Variants in RBMS1 observed in about 807,000 individuals in gnomAD.
RBMS1 encodes RNA binding motif single stranded interacting protein 1, also known as RNA-binding motif, single-stranded-interacting protein 1.
RBMS1 carries 17 observed loss-of-function variants against 62.3 expected under a neutral mutation model. The observed-to-expected ratio is 0.27, with a 90% CI of 0.19 to 0.41. The LOEUF (loss-of-function observed/expected upper bound fraction) is 0.41, where lower values mean the gene tolerates loss of function less well. RBMS1 is among the 10% of genes least tolerant of loss of function. RBMS1 has a pLI of 1.00. For missense variants in RBMS1, 334 were observed against 504.5 expected (o/e 0.66, Z 3.24); for synonymous variants, 172 against 170.0 (o/e 1.01, Z -0.09).
At chr2:160,299,672 G>GGT (rs1559342647) in intron 6 of RBMS1, among the ~76,000 whole-genome samples, 1 of 152,182 alleles carries the variant, frequency 6.6e-6, no homozygotes, top group Non-Finnish European at 1.5e-5. Flanking sequence ...ACTGGATGTG[G>GGT]GTGTAGGTCC....
At chr2:160,380,387 C>A (rs954657662) in intron 1 of RBMS1, among the ~76,000 whole-genome samples, 6 of 152,094 alleles carry the variant, frequency 3.9e-5, no homozygotes, top group Non-Finnish European at 8.8e-5. Flanking sequence ...GAGGACAGGG[C>A]AGACAGGAAC....
intron 2 of RBMS1, among the ~76,000 whole-genome samples, chr2:160,345,435 G>A (rs1034898885): frequency 6.9e-6 from 1 of 145,546 alleles, no homozygotes; most frequent in Non-Finnish European, 1.5e-5. Flanking sequence ...ATGAAAGTGA[G>A]GAGACCTGAA....
chr2:160,485,776 T>C (rs1489482901), intron 1 of RBMS1, among the ~76,000 whole-genome samples: 2 of 151,968 alleles, frequency 1.3e-5, no homozygotes, highest in African/African-American at 4.8e-5. Flanking sequence ...GAATGAAACC[T>C]AAAAAGAGGC....
chr2:160,439,664 A>G (rs1276394823), intron 1 of RBMS1, among the ~76,000 whole-genome samples: 3 of 152,172 alleles, frequency 2.0e-5, no homozygotes, highest in Non-Finnish European at 4.4e-5. Flanking sequence ...GCGGCCGGGC[A>G]GAGGCTGCAA....
chr2:160,483,352 C>A (rs915193292), intron 1 of RBMS1, among the ~76,000 whole-genome samples: 2 of 152,172 alleles, frequency 1.3e-5, no homozygotes, highest in African/African-American at 4.8e-5. Context: ...GTTTCAATCT[C>A]ATTAGGAGTA....
chr2:160,312,869 T>A (rs969482212), intron 4 of RBMS1, among the ~76,000 whole-genome samples: 4 of 151,942 alleles, frequency 2.6e-5, no homozygotes, highest in African/African-American at 9.7e-5. Context: ...AAATACCTGA[T>A]TACCTGAGAA....
intron 6 of RBMS1, among the ~76,000 whole-genome samples, chr2:160,289,721 A>T (rs930708511): frequency 1.3e-5 from 2 of 152,110 alleles, no homozygotes; most frequent in African/African-American, 4.8e-5. Flanking sequence ...TTTGTTTTCA[A>T]TAAAAATGCT....
At chr2:160,371,655 C>T (rs1294343484) in intron 1 of RBMS1, among the ~76,000 whole-genome samples, 1 of 152,184 alleles carries the variant, frequency 6.6e-6, no homozygotes, top group Admixed American at 6.5e-5. Flanking sequence ...GACCCTCAGC[C>T]TTTCCTGCAC....
rs1315620660 is a variant in RBMS1 at position 160,285,004 on chromosome 2, A to G, written c.797T>C (p.Ile266Thr). The G allele has an allele frequency of 1.2e-6, 2 of 1,612,934 alleles. No homozygotes were observed. The highest frequency in any genetic ancestry group is 1.3e-5 in the African/African-American group (1 of 74,916). Residue 266 changes from isoleucine to threonine, a missense_variant, in exon 8 of 14, where the codon ATA (isoleucine) becomes ACA (threonine). Coordinates refer to ENST00000348849, the MANE Select transcript of RBMS1 (RefSeq NM_016836.4). Reference sequence around the variant, plus strand: ...TATTTTAACGACATACCCGTTCTGTATAGCAGCTGTAGTTGGGTCGTAAGT... The same window carrying G: ...TATTTTAACGACATACCCGTTCTGTGTAGCAGCTGTAGTTGGGTCGTAAGT... The part of the protein sequence containing the change: ...TLTYDPTTAA[I>T]QNGFYPSPYS...
chr2:160,302,546 T>A lies in RBMS1; in HGVS notation c.560+784A>T, dbSNP rs569263378. On this transcript the variant is annotated intron_variant, in intron 5 of 13. Transcript: ENST00000348849. Reference sequence around the variant, plus strand: ...TTTATTTTAAGACAGTCTCGCTCTGTTGCCCAGGCTGGAGTGCAGTGGCGT... The same window carrying A: ...TTTATTTTAAGACAGTCTCGCTCTGATGCCCAGGCTGGAGTGCAGTGGCGT... The A allele has an allele frequency of 7.9e-5, 12 of 152,608 alleles. No homozygotes were observed. The East Asian group carries it at 2.3e-3, about 29-fold the overall frequency. 9.5% of individuals were successfully genotyped at this position (152,608 alleles called of 1,614,324 possible).
Position 160,368,891 on chromosome 2 carries a change from C to T in RBMS1, c.76-1500G>A, listed in dbSNP as rs117172262. ...CAGACCTCAGGTGATCCGCTCAACTCGGTTTCCCAAAGTGCTGGGATTACA... is the reference window on the plus strand; with the variant it reads ...CAGACCTCAGGTGATCCGCTCAACTTGGTTTCCCAAAGTGCTGGGATTACA... On this transcript the variant is annotated intron_variant, in intron 1 of 13. Transcript: ENST00000348849. Among the ~76,000 whole-genome samples the T allele has an allele frequency of 2.0e-4, 30 of 152,298 alleles. No homozygotes were observed. In the East Asian group the frequency reaches 5.2e-3, roughly 26 times the overall value.
At chr2:160,354,134 C>G (rs1037338959) in intron 2 of RBMS1, among the ~76,000 whole-genome samples, 3 of 152,056 alleles carry the variant, frequency 2.0e-5, no homozygotes, top group African/African-American at 7.2e-5. Context: ...AATTTTGATT[C>G]TGGTGCGTGT....
At chr2:160,289,137 A>G (rs866243300) in intron 6 of RBMS1, among the ~76,000 whole-genome samples, 1 of 152,214 alleles carries the variant, frequency 6.6e-6, no homozygotes, top group South Asian at 2.1e-4. Context: ...AGGTGACAAT[A>G]AAGCCTGCTA....
intron 1 of RBMS1, among the ~76,000 whole-genome samples, chr2:160,427,095 A>G (rs1485566139): frequency 6.6e-6 from 1 of 152,220 alleles, no homozygotes; most frequent in Admixed American, 6.5e-5. Context: ...CTCCACATTC[A>G]TTGTTTAGAT....
At chr2:160,455,822 T>TAC (rs1559573556) in intron 1 of RBMS1, among the ~76,000 whole-genome samples, 3 of 151,800 alleles carry the variant, frequency 2.0e-5, no homozygotes. Flanking sequence ...TAGCTGGGAC[T>TAC]ACAGGCGCCC....
At chr2:160,487,981 G>A (rs1685664410) in intron 1 of RBMS1, among the ~76,000 whole-genome samples, 1 of 152,132 alleles carries the variant, frequency 6.6e-6, no homozygotes, top group Non-Finnish European at 1.5e-5. Flanking sequence ...TAGATGCATT[G>A]AGGAATTAGA....
chr2:160,341,880 TTA>T (rs1691893087), intron 2 of RBMS1, among the ~76,000 whole-genome samples: 1 of 152,200 alleles, frequency 6.6e-6, no homozygotes, highest in Non-Finnish European at 1.5e-5. Context: ...TCCAATCTAG[TTA>T]TATGTTTTAA....
chr2:160,323,544 C>T (rs184040097), intron 2 of RBMS1, among the ~76,000 whole-genome samples: 8 of 143,614 alleles, frequency 5.6e-5, no homozygotes, highest in Admixed American at 1.5e-4. Flanking sequence ...TCCTGACTGG[C>T]GGAATTCACA....
At chr2:160,369,735 G>T (rs994681407) in intron 1 of RBMS1, among the ~76,000 whole-genome samples, 1 of 152,162 alleles carries the variant, frequency 6.6e-6, no homozygotes, top group Non-Finnish European at 1.5e-5. Context: ...ACATCAACAC[G>T]AAGTAAATGA....
Sources: allele counts gnomAD v4.1 joint callset (sites outside exome capture counted in the v4.1 genomes callset), GRCh38; gene constraint gnomAD v4.1.1; transcripts MANE v1.5; gene names NCBI Gene and HGNC (gene_info 2026-07-23, HGNC 2026-07-21).